The following ELMO1 variants were observed in gnomAD, a reference collection of about 807,000 sequenced individuals.
The protein encoded by ELMO1 is engulfment and cell motility protein 1.
In ELMO1, 26 loss-of-function variants were observed where a neutral mutation model predicts 98.9. The ratio of observed to expected loss-of-function variants is 0.26; its 90% CI spans 0.19 to 0.36. The LOEUF (loss-of-function observed/expected upper bound fraction) is 0.36. ELMO1 is among the 10% of genes least tolerant of loss of function. The pLI is 1.00. For synonymous variants in ELMO1, 346 were observed against 346.0 expected (o/e 1.00, Z 0.00); for missense variants, 627 against 935.2 (o/e 0.67, Z 4.30).
chr7:37,029,912 C>A (rs1193521789), intron 15 of ELMO1, among the ~76,000 whole-genome samples: 1 of 152,132 alleles, frequency 6.6e-6, no homozygotes, highest in African/African-American at 2.4e-5. Flanking sequence ...TCGTAATACT[C>A]GATGTCTGCT....
At chr7:37,157,070 G>T (rs187501614) in intron 13 of ELMO1, among the ~76,000 whole-genome samples, 1,751 of 150,290 alleles carry the variant, frequency 0.012, 28 homozygotes, top group African/African-American at 0.04. Context: ...CAAAAACCAC[G>T]ATTATCTCAA....
At chr7:37,086,418 T>C (rs1330440682) in intron 15 of ELMO1, among the ~76,000 whole-genome samples, 2 of 151,190 alleles carry the variant, frequency 1.3e-5, no homozygotes, top group Non-Finnish European at 2.9e-5. Context: ...TGTGGCAAAA[T>C]GTTGGCATAA....
chr7:37,222,483 G>T (rs779644243), intron 10 of ELMO1, 132 bp downstream of exon 10: 2 of 891,488 alleles, frequency 2.2e-6, no homozygotes, highest in Non-Finnish European at 3.6e-6. Flanking sequence ...GAACATAGCT[G>T]CTCTGGAGAG....
At chr7:37,104,780 A>G (rs1472409795) in intron 14 of ELMO1, among the ~76,000 whole-genome samples, 1 of 152,208 alleles carries the variant, frequency 6.6e-6, no homozygotes, top group Non-Finnish European at 1.5e-5. Context: ...GATATTTCCA[A>G]GAGCCAAATA....
intron 16 of ELMO1, among the ~76,000 whole-genome samples, chr7:36,994,966 C>T (rs1269556441): frequency 6.6e-6 from 1 of 152,146 alleles, no homozygotes; most frequent in Non-Finnish European, 1.5e-5. Context: ...CATGGAATGT[C>T]AAGATAAAGA....
intron 1 of ELMO1, among the ~76,000 whole-genome samples, chr7:37,448,009 G>A (rs994637360): frequency 2.0e-5 from 3 of 151,896 alleles, no homozygotes; most frequent in Non-Finnish European, 4.4e-5. Context: ...CTCGGTCTCG[G>A]CGGAGACCCC....
chr7:36,903,900 G>T (rs62447524), intron 16 of ELMO1, among the ~76,000 whole-genome samples: 1 of 152,194 alleles, frequency 6.6e-6, no homozygotes, highest in Admixed American at 6.5e-5. Context: ...TCTCACTGGG[G>T]ACAGTCAGAT....
intron 13 of ELMO1, among the ~76,000 whole-genome samples, chr7:37,150,636 C>G (rs956823712): frequency 1.3e-5 from 2 of 151,924 alleles, no homozygotes; most frequent in African/African-American, 4.8e-5. Flanking sequence ...AGAATATTTT[C>G]TATGTATTAT....
chr7:37,113,699 CTG>C (rs1211746186), intron 14 of ELMO1, among the ~76,000 whole-genome samples: 4 of 152,198 alleles, frequency 2.6e-5, no homozygotes, highest in Admixed American at 2.6e-4. Context: ...TAGCATGTGA[CTG>C]TATTTGAAGA....
At chr7:37,045,642 G>T (rs937520116) in intron 15 of ELMO1, among the ~76,000 whole-genome samples, 6 of 151,968 alleles carry the variant, frequency 3.9e-5, no homozygotes, top group Admixed American at 1.3e-4. Context: ...GGAAGAAGAG[G>T]TTTTTTAAAA....
At chr7:37,023,281 A>C (rs1298216408) in intron 15 of ELMO1, among the ~76,000 whole-genome samples, 1 of 152,230 alleles carries the variant, frequency 6.6e-6, no homozygotes, top group East Asian at 1.9e-4. Context: ...TGAAAAGTTA[A>C]CTTAAAAAGG....
chr7:37,227,462 T>G (rs1793931843), intron 8 of ELMO1, among the ~76,000 whole-genome samples: 1 of 152,212 alleles, frequency 6.6e-6, no homozygotes, highest in East Asian at 1.9e-4. Context: ...CTCAGTTCAC[T>G]GCAACCTCCA....
In ELMO1 at chr7:37,228,914, C is replaced by T. The variant is rs145464920; in HGVS notation, c.550-3884G>A. On this transcript the variant is annotated intron_variant, in intron 8 of 21. Coordinates refer to ENST00000310758, the MANE Select transcript of ELMO1 (RefSeq NM_014800.11). The stretch of plus-strand genomic sequence containing the variant: ...GGCTGAAGCAGGAGAATCGCGTGAA[C>T]CCAGGAGGCAGAGGTTGCAGTGAGC... Among the ~76,000 whole-genome samples the T allele has an allele frequency of 8.2e-3, 1,242 of 152,212 alleles. 19 individuals carry two copies. The highest frequency in any genetic ancestry group is 0.029 in the African/African-American group (1,197 of 41,510).
chr7:37,229,691 T>C (rs994446333), intron 8 of ELMO1, among the ~76,000 whole-genome samples: 1 of 152,182 alleles, frequency 6.6e-6, no homozygotes, highest in Non-Finnish European at 1.5e-5. Flanking sequence ...GTCCAGCTAA[T>C]GAATAAAAAA....
rs575646414 is a variant in ELMO1 at position 37,119,409 on chromosome 7, C to A, written c.1191+13721G>T. On this transcript the variant is annotated intron_variant, in intron 14 of 21. Transcript: ENST00000310758. ...TAGCTTTTCTCACGCTAGGTAATTTCAGAGCATTTTCTTTAGGTTGCTGCC... is the reference window on the plus strand; with the variant it reads ...TAGCTTTTCTCACGCTAGGTAATTTAAGAGCATTTTCTTTAGGTTGCTGCC... Among the ~76,000 whole-genome samples, 3 of 152,286 alleles carry A rather than the reference C, an allele frequency of 2.0e-5. No individual in the cohort carries two copies. The South Asian group carries it at 6.2e-4, about 32-fold the overall frequency.
intron 8 of ELMO1, among the ~76,000 whole-genome samples, chr7:37,227,666 A>C (rs1449299030): frequency 6.6e-6 from 1 of 152,128 alleles, no homozygotes; most frequent in Non-Finnish European, 1.5e-5. Flanking sequence ...GATTACAGGC[A>C]TGAGCCACGG....
chr7:37,220,472 G>T (rs1793530211), intron 10 of ELMO1, among the ~76,000 whole-genome samples: 1 of 152,130 alleles, frequency 6.6e-6, no homozygotes, highest in Non-Finnish European at 1.5e-5. Context: ...ATTACTCTTT[G>T]TGGTGGTTTA....
chr7:37,202,057 C>G (rs1158060689), intron 13 of ELMO1, among the ~76,000 whole-genome samples: 3 of 152,210 alleles, frequency 2.0e-5, no homozygotes, highest in Non-Finnish European at 4.4e-5. Context: ...CTGGCTAGGA[C>G]TGGCAGAGCT....
chr7:36,961,403 C>T (rs185317462), intron 16 of ELMO1, among the ~76,000 whole-genome samples: 6 of 152,116 alleles, frequency 3.9e-5, no homozygotes, highest in African/African-American at 1.2e-4. Flanking sequence ...AAAAGCTAAT[C>T]TCTCTATTTT....
Sources: allele counts gnomAD v4.1 joint callset (sites outside exome capture counted in the v4.1 genomes callset), GRCh38; gene constraint gnomAD v4.1.1; transcripts MANE v1.5; gene names NCBI Gene and HGNC (gene_info 2026-07-23, HGNC 2026-07-21).